PCLO: variants seen among roughly 807,000 people sequenced by gnomAD.
PCLO encodes piccolo presynaptic cytomatrix protein.
In PCLO, 82 loss-of-function variants were observed where a neutral mutation model predicts 427.5. The observed-to-expected ratio is 0.19, with a 90% CI of 0.16 to 0.23. The LOEUF (loss-of-function observed/expected upper bound fraction) is 0.23, where lower values mean the gene tolerates loss of function less well. PCLO is among the 10% of genes least tolerant of loss of function. The probability of loss-of-function intolerance (pLI) is 1.00; values close to 1 mark genes in which losing one functional copy is unlikely to be tolerated. For missense variants in PCLO, 6,239 were observed against 6,115.9 expected, an observed-to-expected ratio of 1.02 and a Z score of -0.67; for synonymous variants, 2,357 against 2,155.4, an observed-to-expected ratio of 1.09 and a Z score of -2.59.
At chr7:83,057,308 T>TTATATATACATATACA (rs1789405601) in intron 3 of PCLO, among the ~76,000 whole-genome samples, 1 of 85,622 alleles carries the variant, frequency 1.2e-5, no homozygotes, top group Admixed American at 1.7e-4. Flanking sequence ...AAAATAATCA[T>TTATATATACATATACA]TATATATACA....
rs558010682 is a variant in PCLO, at chr7:83,085,563, G to A, written c.3300+48687C>T. 3.9e-5 allele frequency among the ~76,000 whole-genome samples: 6 copies of A among 152,148 alleles called. No homozygotes were observed. The East Asian group carries it at 1.2e-3, about 29-fold the overall frequency. ...CCCTTATTTCCATGATTTTGTGTTCGTATTTCGGAGTGCCAAAAAGAGGCA... is the reference window on the plus strand; with the variant it reads ...CCCTTATTTCCATGATTTTGTGTTCATATTTCGGAGTGCCAAAAAGAGGCA... On this transcript the variant is annotated intron_variant, in intron 3 of 24. Transcript: ENST00000333891.
rs1790357226 is a variant in PCLO, at chr7:82,758,217, C to T, written c.*358G>A. ...AAGGCTCCTTTGCATAAAGAATTAC[C>T]TTTGTGCTGCATGAAAACCACATTA... is the stretch of plus-strand genomic sequence containing the variant. On this transcript the variant is annotated 3_prime_UTR_variant, in exon 25 of 25. Transcript: ENST00000333891. 6.1e-6 allele frequency: 1 copy of T among 163,054 alleles called. No homozygotes were observed. Among genetic ancestry groups the T allele is most frequent in the Admixed American group, 6.4e-5 (1 of 15,562 alleles). 10.1% of individuals were successfully genotyped at this position (163,054 alleles called of 1,614,324 possible). A position where few individuals can be genotyped will look rare whatever the true frequency, so the allele number is the denominator to read the frequency against.
chr7:83,123,342 T>G (rs1028486738), intron 3 of PCLO, among the ~76,000 whole-genome samples: 2 of 152,188 alleles, frequency 1.3e-5, no homozygotes, highest in Non-Finnish European at 2.9e-5. Context: ...GAACTCATTT[T>G]CAACAAAGAT....
At chr7:82,860,017 G>A (rs1792912512) in intron 10 of PCLO, among the ~76,000 whole-genome samples, 1 of 151,790 alleles carries the variant, frequency 6.6e-6, no homozygotes, top group Non-Finnish European at 1.5e-5. Flanking sequence ...CTATTTTAAC[G>A]TACACCAAGA....
At chr7:83,015,715 T>C (rs551844136) in intron 3 of PCLO, among the ~76,000 whole-genome samples, 4 of 152,294 alleles carry the variant, frequency 2.6e-5, no homozygotes, top group Admixed American at 6.5e-5. Context: ...AAATGACATA[T>C]AGCCATTATT....
Position 83,162,415 on chromosome 7 carries a change from T to C in PCLO, c.178A>G (p.Met60Val), listed in dbSNP as rs562460577. The C allele has an allele frequency of 3.8e-6, 6 of 1,597,998 alleles. No homozygotes were observed. The highest frequency in any genetic ancestry group is 5.1e-6 in the Non-Finnish European group (6 of 1,172,276). Residue 60 changes from methionine to valine, a missense_variant, in exon 1 of 25, where the codon ATG (methionine) becomes GTG (valine). Physicochemically the swap from Met to Val is conservative, Grantham distance 21 (BLOSUM62 1). Around this residue, in one of 5 missense-constraint regions of PCLO, gnomAD observed 4,677 missense variants for 4,468.4 expected, o/e 1.05. Transcript: ENST00000333891. ...TTGGGCAGCCCCTGCGCCCTTGACA[T>C]GACAGCGGCGATCTGTCTCCTCTCC... is the stretch of plus-strand genomic sequence containing the variant. Reference protein sequence around the residue: ...EEERRQIAAVMSRAQGLPKGS... With the variant: ...EEERRQIAAVVSRAQGLPKGS...
chr7:82,885,403 A>G (rs1793604371), intron 9 of PCLO, among the ~76,000 whole-genome samples: 1 of 152,212 alleles, frequency 6.6e-6, no homozygotes, highest in African/African-American at 2.4e-5. Context: ...ATACAGCACA[A>G]CTAACATAGA....
intron 3 of PCLO, among the ~76,000 whole-genome samples, chr7:83,035,261 G>A (rs1056752558): frequency 7.9e-5 from 12 of 152,218 alleles, no homozygotes; most frequent in Non-Finnish European, 5.9e-5. Flanking sequence ...ACCAAAATTG[G>A]AGACAGGCAA....
chr7:82,872,187 G>C (rs1193090668), intron 10 of PCLO, among the ~76,000 whole-genome samples: 1 of 151,752 alleles, frequency 6.6e-6, no homozygotes, highest in East Asian at 1.9e-4. Flanking sequence ...CCATACACTG[G>C]GAAAAGGTAT....
intron 3 of PCLO, among the ~76,000 whole-genome samples, chr7:83,075,497 T>A (rs1036124992): frequency 6.6e-6 from 1 of 152,152 alleles, no homozygotes; most frequent in African/African-American, 2.4e-5. Flanking sequence ...GCAGTAAAGA[T>A]AGTAAACAGC....
intron 3 of PCLO, among the ~76,000 whole-genome samples, chr7:83,056,487 T>C (rs1408942622): frequency 6.6e-6 from 1 of 152,204 alleles, no homozygotes; most frequent in African/African-American, 2.4e-5. Flanking sequence ...CCACGTCGAA[T>C]GAGGATAATA....
rs567242645 is a variant in PCLO, at chr7:82,890,054, T to C, written c.13529-10592A>G. On this transcript the variant is annotated intron_variant, in intron 9 of 24. Coordinates refer to ENST00000333891, the MANE Select transcript of PCLO (RefSeq NM_033026.6). ...TTACAATATATTATATTATTATATA[T>C]ACATACATGCAAATATATACATTTA... Among the ~76,000 whole-genome samples, 64 of 151,456 alleles carry C rather than the reference T, an allele frequency of 4.2e-4. 4 individuals carry two copies. In the South Asian group the frequency reaches 0.013, roughly 31 times the overall value.
chr7:82,836,446 C>T (rs1792235484), intron 15 of PCLO, among the ~76,000 whole-genome samples: 1 of 152,042 alleles, frequency 6.6e-6, no homozygotes, highest in African/African-American at 2.4e-5. Flanking sequence ...GTTACAACTA[C>T]TATATATAGA....
chr7:83,042,346 G>A (rs748457205), intron 3 of PCLO, among the ~76,000 whole-genome samples: 2 of 152,052 alleles, frequency 1.3e-5, no homozygotes, highest in Non-Finnish European at 2.9e-5. Flanking sequence ...TATATTGCAT[G>A]TTTCTTGAAA....
At chr7:82,772,661 C>T (rs1407758168) in intron 22 of PCLO, among the ~76,000 whole-genome samples, 1 of 152,100 alleles carries the variant, frequency 6.6e-6, no homozygotes, top group East Asian at 1.9e-4. Flanking sequence ...ATAAAGAAAT[C>T]CTTTCTTTCT....
Position 82,953,428 on chromosome 7 carries a change from G to A in PCLO, c.7525C>T (p.Pro2509Ser). 3 of 1,613,652 alleles carry A rather than the reference G, an allele frequency of 1.9e-6. No homozygotes were observed. The South Asian group carries it at 3.3e-5, about 18-fold the overall frequency. Residue 2509 changes from proline (P) to serine (S), a missense_variant, in exon 5 of 25, where the codon CCA (proline) becomes TCA (serine). Pro to Ser is a moderately conservative substitution (Grantham distance 74). Transcript: ENST00000333891. Reference sequence around the variant, plus strand: ...GGAATCACTGGTTTGGGGGCGATTGGAGGTTTGCTTGGCTCAGGCCTGTGG... The same window carrying A: ...GGAATCACTGGTTTGGGGGCGATTGAAGGTTTGCTTGGCTCAGGCCTGTGG... ...FTHRPEPSKP[P>S]IAPKPVIPQL...
intron 3 of PCLO, among the ~76,000 whole-genome samples, chr7:83,080,140 A>AT (rs2116393639): frequency 6.6e-6 from 1 of 152,236 alleles, no homozygotes; most frequent in East Asian, 1.9e-4. Flanking sequence ...ATTTGAGTTG[A>AT]TTCCTTGTCT....
intron 3 of PCLO, among the ~76,000 whole-genome samples, chr7:83,043,450 A>C (rs1789020809): frequency 6.6e-6 from 1 of 152,218 alleles, no homozygotes; most frequent in African/African-American, 2.4e-5. Context: ...ATTATTTCAA[A>C]ATAACTTCAT....
rs71096608 is a variant in PCLO at position 82,944,137 on chromosome 7, T to TAAA, written c.11112+5336_11112+5338dup. Among the ~76,000 whole-genome samples the TAAA allele has an allele frequency of 7.4e-4, 25 of 33,910 alleles. 5 individuals are homozygous for TAAA. The highest frequency in any genetic ancestry group is 3.1e-3 in the African/African-American group (24 of 7,794). 22.2% of individuals were successfully genotyped at this position (33,910 alleles called of 152,430 possible). On this transcript the variant is annotated intron_variant, in intron 6 of 24. Coordinates refer to ENST00000333891, the MANE Select transcript of PCLO (RefSeq NM_033026.6). The stretch of plus-strand genomic sequence containing the variant: ...GCCTGGGCAACGGAACAAGAATCCA[T>TAAA]AAAAAAAAAAAAAAAAAAAAAAAAA...
Sources: gnomAD v4.1 joint callset for allele counts (sites outside exome capture counted in the v4.1 genomes callset) on GRCh38, gnomAD v4.1.1 for gene constraint, gnomAD v4.1.1 regional missense constraint, MANE v1.5 for transcripts, NCBI Gene and HGNC (gene_info 2026-07-23, HGNC 2026-07-21) for gene names.